CEP170: variants seen among roughly 807,000 people sequenced by gnomAD.
CEP170 encodes centrosomal protein of 170 kDa.
CEP170 carries 21 observed loss-of-function variants against 151.9 expected under a neutral mutation model. That is an observed-to-expected ratio of 0.14 (90% confidence interval 0.10 to 0.20). The LOEUF is 0.20. Among genes scored for constraint, CEP170 ranks in the 10% least tolerant of loss-of-function variants. The pLI is 1.00. For missense variants in CEP170, 964 were observed against 1,892.9 expected (o/e 0.51, Z 9.11); for synonymous variants, 356 against 648.8 (o/e 0.55, Z 6.86).
At chr1:243,139,707 A>G (rs1308575091) in intron 16 of CEP170, among the ~76,000 whole-genome samples, 1 of 152,220 alleles carries the variant, frequency 6.6e-6, no homozygotes, top group Non-Finnish European at 1.5e-5. Context: ...GAATTTAAGA[A>G]CTAAATTCAT....
At chr1:243,244,660 G>A (rs2065190508) in intron 1 of CEP170, among the ~76,000 whole-genome samples, 1 of 152,038 alleles carries the variant, frequency 6.6e-6, no homozygotes, top group Non-Finnish European at 1.5e-5. Flanking sequence ...GCGGGAGGAT[G>A]GCTTGAGCCC....
intron 4 of CEP170, among the ~76,000 whole-genome samples, chr1:243,208,429 T>C (rs1473480708): frequency 9.9e-5 from 15 of 152,110 alleles, no homozygotes; most frequent in Non-Finnish European, 4.4e-5. Context: ...AAAGTCAAAA[T>C]CCTTATAATG....
chr1:243,236,688 A>G (rs958060525), intron 1 of CEP170, among the ~76,000 whole-genome samples: 2 of 152,230 alleles, frequency 1.3e-5, no homozygotes, highest in Admixed American at 1.3e-4. Flanking sequence ...CAGGTTCACT[A>G]AATAACTATA....
intron 4 of CEP170, among the ~76,000 whole-genome samples, chr1:243,208,022 G>C (rs1349982390): frequency 6.6e-6 from 1 of 152,010 alleles, no homozygotes; most frequent in Non-Finnish European, 1.5e-5. Context: ...CACAAAACTT[G>C]CTCTACCTAC....
chr1:243,136,963 C>T (rs1484918400), intron 16 of CEP170, among the ~76,000 whole-genome samples: 1 of 152,168 alleles, frequency 6.6e-6, no homozygotes, highest in Non-Finnish European at 1.5e-5. Flanking sequence ...GGTATTACCC[C>T]AGTTGAGATG....
chr1:243,134,291 CTAATACT>C (rs1380223555), intron 17 of CEP170, among the ~76,000 whole-genome samples: 3 of 151,864 alleles, frequency 2.0e-5, no homozygotes, highest in Non-Finnish European at 4.4e-5. Flanking sequence ...TAGAATGTAC[CTAATACT>C]TATTTGTTAA....
intron 10 of CEP170, among the ~76,000 whole-genome samples, chr1:243,183,944 T>G (rs1379100927): frequency 6.6e-6 from 1 of 152,152 alleles, no homozygotes; most frequent in Non-Finnish European, 1.5e-5. Flanking sequence ...CTGAAGAGTT[T>G]CATCTGCTAC....
intron 14 of CEP170, among the ~76,000 whole-genome samples, chr1:243,152,965 C>G (rs1226927167): frequency 6.6e-6 from 1 of 152,138 alleles, no homozygotes; most frequent in African/African-American, 2.4e-5. Flanking sequence ...AAGGATTCAC[C>G]ATTCTACATG....
chr1:243,229,700 A>G (rs2063563301), intron 1 of CEP170, among the ~76,000 whole-genome samples: 1 of 152,126 alleles, frequency 6.6e-6, no homozygotes. Flanking sequence ...GCATGATCTC[A>G]TTGTTGCTTT....
At chr1:243,239,007 T>C (rs938535106) in intron 1 of CEP170, among the ~76,000 whole-genome samples, 1 of 152,226 alleles carries the variant, frequency 6.6e-6, no homozygotes, top group African/African-American at 2.4e-5. Flanking sequence ...TACTTCCCTA[T>C]ACATAATCTC....
intron 15 of CEP170, 35 bp from the exon 16 acceptor site, chr1:243,140,142 A>G (rs766841361): frequency 6.3e-7 from 1 of 1,589,530 alleles, no homozygotes; most frequent in Admixed American, 1.7e-5. Flanking sequence ...ATGAGAACAC[A>G]GTAATTTGAA....
At chr1:243,249,418 AAAATAAATAAATAAAT>A (rs74729358) in intron 1 of CEP170, among the ~76,000 whole-genome samples, 10,831 of 148,384 alleles carry the variant, frequency 0.073, 1,285 homozygotes, top group African/African-American at 0.25. Flanking sequence ...ACTCTGTCTC[AAAATAAATAAATAAAT>A]AAATAAATAA....
At chr1:243,160,725 G>A (rs2057997632) in intron 13 of CEP170, among the ~76,000 whole-genome samples, 1 of 152,122 alleles carries the variant, frequency 6.6e-6, no homozygotes, top group Non-Finnish European at 1.5e-5. Context: ...AAGATCAGCT[G>A]GGGAGAAAAA....
intron 6 of CEP170, among the ~76,000 whole-genome samples, 185 bp from the exon 7 acceptor site, chr1:243,199,379 T>C (rs2060875094): frequency 6.6e-6 from 1 of 152,158 alleles, no homozygotes; most frequent in Non-Finnish European, 1.5e-5. Context: ...ATGTTGGACA[T>C]GACTAAATAA....
Position 243,165,126 on chromosome 1 carries a change from G to C in CEP170, c.2834C>G (p.Thr945Ser), listed in dbSNP as rs370144755. 12 of 1,612,922 alleles carry C rather than the reference G, an allele frequency of 7.4e-6. No homozygotes were observed. Among genetic ancestry groups the C allele is most frequent in the Non-Finnish European group, 1.0e-5 (12 of 1,179,544 alleles). Residue 945 changes from threonine to serine, a missense_variant, in exon 13 of 20, where the codon ACT (threonine) becomes AGT (serine). Thr to Ser is a moderately conservative substitution (Grantham distance 58, BLOSUM62 1). Coordinates refer to ENST00000366542, the MANE Select transcript of CEP170 (RefSeq NM_014812.3). ...GGTTGACTTTCTTTCAGTTTCTCCA[G>C]TAACCAGACTGATTGTACTAGCTGT... ...VDTASTISLV[T>S]GETERKSTQK...
At chr1:243,133,077 T>C (rs1207325768) in intron 17 of CEP170, among the ~76,000 whole-genome samples, 1 of 152,234 alleles carries the variant, frequency 6.6e-6, no homozygotes, top group Non-Finnish European at 1.5e-5. Flanking sequence ...ATCTCTCTAG[T>C]GTCATCTCTC....
At position 243,225,242 on chromosome 1, in the gene CEP170, G is replaced by A; in HGVS notation, c.39C>T (p.Gly13=). ...LTSWFLVSSG[G]TRHRLPREMI... is the part of the protein sequence containing the mutation. ...TTTCTCGTGGCAGCCTGTGGCGAGTGCCTCCACTGCTCACCAAAAACCAGG... is the reference window on the plus strand; with the variant it reads ...TTTCTCGTGGCAGCCTGTGGCGAGTACCTCCACTGCTCACCAAAAACCAGG... The change falls in exon 2 of 20, where the codon GGC becomes GGT. Residue 13 remains glycine, a synonymous_variant. Coordinates refer to ENST00000366542, the MANE Select transcript of CEP170 (RefSeq NM_014812.3). The A allele has an allele frequency of 6.3e-7, 1 of 1,596,390 alleles. No homozygotes were observed. Among genetic ancestry groups the A allele is most frequent in the Admixed American group, 1.8e-5 (1 of 57,074 alleles).
intron 10 of CEP170, among the ~76,000 whole-genome samples, chr1:243,178,166 TA>T (rs1446313957): frequency 6.6e-6 from 1 of 151,622 alleles, no homozygotes; most frequent in Non-Finnish European, 1.5e-5. Context: ...CCATCTATAC[TA>T]AAAATACAAA....
intron 2 of CEP170, 23 bp downstream of exon 2, chr1:243,225,153 A>G: frequency 6.8e-7 from 1 of 1,467,268 alleles, no homozygotes; most frequent in Non-Finnish European, 9.3e-7. Flanking sequence ...ATAAACACAT[A>G]TAGAGAAGCT....
Sources: gnomAD v4.1 joint callset for allele counts (sites outside exome capture counted in the v4.1 genomes callset) on GRCh38, gnomAD v4.1.1 for gene constraint, MANE v1.5 for transcripts, NCBI Gene and HGNC (gene_info 2026-07-23, HGNC 2026-07-21) for gene names.